The following SNAP23 variants were observed in gnomAD, a reference collection of about 807,000 sequenced individuals.
SNAP23 encodes the protein synaptosome associated protein 23, also known as synaptosomal-associated protein 23.
A neutral mutation model predicts 29.0 loss-of-function variants in SNAP23; 11 were observed. That is an observed-to-expected ratio of 0.38 (90% CI 0.24 to 0.63). The LOEUF (loss-of-function observed/expected upper bound fraction) is 0.63, where lower values mean the gene tolerates loss of function less well. SNAP23 is among the 20% of genes least tolerant of loss of function. The pLI, the probability that SNAP23 is intolerant of heterozygous loss-of-function variation, is 0.58. For synonymous variants in SNAP23, 60 were observed against 82.9 expected, an observed-to-expected ratio of 0.72 and a Z score of 1.50; for missense variants, 220 against 253.9, an observed-to-expected ratio of 0.87 and a Z score of 0.91.
chr15:42,513,196 T>G, intron 3 of SNAP23, 200 bp downstream of exon 3: 1 of 743,156 alleles, frequency 1.3e-6, no homozygotes, highest in Non-Finnish European at 2.4e-6. Flanking sequence ...ACAGGGAAGA[T>G]GAATTCACTA....
At chr15:42,522,842 CTTTTTTTT>C (rs5812226) in intron 5 of SNAP23, among the ~76,000 whole-genome samples, 4 of 91,054 alleles carry the variant, frequency 4.4e-5, no homozygotes, top group South Asian at 3.7e-4. Context: ...TAAAACTTGC[CTTTTTTTT>C]TTTTTTTTTT....
At chr15:42,500,095 A>G (rs1371620383) in intron 1 of SNAP23, among the ~76,000 whole-genome samples, 1 of 152,166 alleles carries the variant, frequency 6.6e-6, no homozygotes, top group African/African-American at 2.4e-5. Flanking sequence ...TGTAGATTAA[A>G]ATAACAAAAA....
chr15:42,521,063 G>T (rs60911842), intron 5 of SNAP23, among the ~76,000 whole-genome samples: 3,505 of 152,230 alleles, frequency 0.023, 149 homozygotes, highest in African/African-American at 0.08. Context: ...ACAAATATGA[G>T]TAAGGCATAC....
intron 7 of SNAP23, among the ~76,000 whole-genome samples, chr15:42,530,995 C>T (rs1385040794): frequency 6.6e-6 from 1 of 152,108 alleles, no homozygotes; most frequent in East Asian, 1.9e-4. Flanking sequence ...TCAGTCTCTC[C>T]AGGTTAGACT....
chr15:42,510,262 G>T (rs540180489), intron 1 of SNAP23, among the ~76,000 whole-genome samples: 1 of 151,694 alleles, frequency 6.6e-6, no homozygotes, highest in Admixed American at 6.6e-5. Flanking sequence ...CAACCTCCCC[G>T]GTAGCTGGGA....
chr15:42,529,938 T>A, intron 7 of SNAP23, 119 bp downstream of exon 7: 1 of 1,066,028 alleles, frequency 9.4e-7, no homozygotes, highest in Non-Finnish European at 1.3e-6. Flanking sequence ...TCATAGGTCT[T>A]AATTCTGATG....
upstream of SNAP23, among the ~76,000 whole-genome samples, chr15:42,493,239 G>A (rs1458294568): frequency 1.3e-5 from 2 of 152,090 alleles, no homozygotes; most frequent in Non-Finnish European, 2.9e-5. Flanking sequence ...CTACTCAGGA[G>A]GCTGAGGTGG....
intron 5 of SNAP23, among the ~76,000 whole-genome samples, chr15:42,518,820 T>C (rs1247783737): frequency 6.6e-6 from 1 of 152,184 alleles, no homozygotes; most frequent in East Asian, 1.9e-4. Flanking sequence ...ACTGAAGCTA[T>C]GTTTAGTCTT....
chr15:42,511,349 G>T (rs2057356839), intron 1 of SNAP23, among the ~76,000 whole-genome samples: 1 of 152,162 alleles, frequency 6.6e-6, no homozygotes, highest in Non-Finnish European at 1.5e-5. Flanking sequence ...TTTCTCCAGT[G>T]AGTGTCCTGG....
intron 1 of SNAP23, among the ~76,000 whole-genome samples, chr15:42,498,617 T>C (rs977978030): frequency 6.6e-6 from 1 of 152,216 alleles, no homozygotes; most frequent in Non-Finnish European, 1.5e-5. Context: ...GAGACATTTT[T>C]CCCATTGTTT....
At chr15:42,514,134 G>GTTTT (rs529397532) in intron 4 of SNAP23, among the ~76,000 whole-genome samples, 2 of 123,980 alleles carry the variant, frequency 1.6e-5, no homozygotes, top group Non-Finnish European at 3.5e-5. Context: ...GTTTTGTTTT[G>GTTTT]TTTTTTTAAT....
In SNAP23 at chr15:42,532,978, T is replaced by C. The variant is rs2057580478; in HGVS notation, c.*1500T>C. 6.5e-6 allele frequency: 1 copy of C among 152,738 alleles called. No individual in the cohort carries two copies. The highest frequency in any genetic ancestry group is 2.1e-4 in the South Asian group (1 of 4,834). 9.5% of individuals were successfully genotyped at this position (152,738 alleles called of 1,614,324 possible). On this transcript the variant is annotated 3_prime_UTR_variant, in exon 8 of 8. Coordinates refer to ENST00000249647, the MANE Select transcript of SNAP23 (RefSeq NM_003825.4). Reference sequence around the variant, plus strand: ...TCACATTTATTTTAAAATTAGCATCTGAACACTTCAAAGCTGTCAGTGTGT... The same window carrying C: ...TCACATTTATTTTAAAATTAGCATCCGAACACTTCAAAGCTGTCAGTGTGT...
chr15:42,510,979 G>A (rs1039261118), intron 1 of SNAP23, among the ~76,000 whole-genome samples: 5 of 152,158 alleles, frequency 3.3e-5, no homozygotes, highest in South Asian at 2.1e-4. Context: ...GTCATTGACC[G>A]TGAGTTTTGA....
chr15:42,521,356 A>C (rs2057447735), intron 5 of SNAP23: 1 of 658,214 alleles, frequency 1.5e-6, no homozygotes, highest in East Asian at 1.4e-4. Context: ...CATATTGTCT[A>C]ATTTTAGGAA....
At chr15:42,505,847 C>T (rs1306180922) in intron 1 of SNAP23, among the ~76,000 whole-genome samples, 1 of 150,842 alleles carries the variant, frequency 6.6e-6, no homozygotes, top group African/African-American at 2.4e-5. Flanking sequence ...TGAGCCACCG[C>T]ACCTGGCCTC....
chr15:42,508,526 C>T (rs972917619), intron 1 of SNAP23, among the ~76,000 whole-genome samples: 11 of 152,100 alleles, frequency 7.2e-5, no homozygotes, highest in African/African-American at 2.2e-4. Flanking sequence ...ACTTGTCTTG[C>T]GTGTTGTCTG....
chr15:42,517,413 G>T (rs772375806), intron 5 of SNAP23, among the ~76,000 whole-genome samples: 3 of 152,156 alleles, frequency 2.0e-5, no homozygotes, highest in Non-Finnish European at 4.4e-5. Flanking sequence ...GAATTTTCTT[G>T]AGATCAGATG....
rs755771475 is a variant in SNAP23 at position 42,515,403 on chromosome 15, C to CA, written c.266+50dup. 2.9e-6 allele frequency: 3 copies of CA among 1,046,620 alleles called. No homozygotes were observed. In the Admixed American group the frequency reaches 5.9e-5, roughly 21 times the overall value. The allele number at this position is 1,046,620 out of a possible 1,614,324, so 64.8% of individuals were successfully genotyped here. On this transcript the variant is annotated intron_variant, in intron 5 of 7. Coordinates refer to ENST00000249647, the MANE Select transcript of SNAP23 (RefSeq NM_003825.4). ...TTCAAAATAAGTAATGAGAGTACCC[C>CA]ACCTTCTCCCACCAGCTAAGGTCAG...
At chr15:42,523,851 C>G (rs960194777) in intron 5 of SNAP23, among the ~76,000 whole-genome samples, 2 of 152,150 alleles carry the variant, frequency 1.3e-5, no homozygotes. Flanking sequence ...GAGTCTCACT[C>G]TGTCCCTCAG....
Sources: allele counts gnomAD v4.1 joint callset (sites outside exome capture counted in the v4.1 genomes callset), GRCh38; gene constraint gnomAD v4.1.1; transcripts MANE v1.5; gene names NCBI Gene and HGNC (gene_info 2026-07-23, HGNC 2026-07-21).